The following AGO3 variants were observed in gnomAD, a reference collection of about 807,000 sequenced individuals.
AGO3 encodes protein argonaute-3.
In AGO3, 16 loss-of-function variants were observed where a neutral mutation model predicts 105.5. The ratio of observed to expected loss-of-function variants is 0.15; its 90% CI spans 0.10 to 0.23. The LOEUF (loss-of-function observed/expected upper bound fraction) is 0.23. AGO3 is among the 10% of genes least tolerant of loss of function. The pLI, the probability that AGO3 is intolerant of heterozygous loss-of-function variation, is 1.00. For synonymous variants in AGO3, 340 were observed against 367.3 expected (o/e 0.93, Z 0.85); for missense variants, 534 against 1,088.0 (o/e 0.49, Z 7.16).
At chr1:35,983,761 A>C (rs1206117067) in intron 5 of AGO3, among the ~76,000 whole-genome samples, 4 of 152,210 alleles carry the variant, frequency 2.6e-5, no homozygotes, top group Admixed American at 2.6e-4. Context: ...GTTTTCTGCC[A>C]GGTATGAATG....
Position 35,934,478 on chromosome 1 carries a change from G to T in AGO3, c.19+3033G>T, listed in dbSNP as rs537185775. Among the ~76,000 whole-genome samples, 85 of 152,184 alleles carry T rather than the reference G, an allele frequency of 5.6e-4. 2 individuals are homozygous for T. The South Asian group carries it at 0.016, about 29-fold the overall frequency. On this transcript the variant is annotated intron_variant, in intron 1 of 18. Transcript: ENST00000373191. The stretch of plus-strand genomic sequence containing the variant: ...ATTTAATAATAAAAGTTTTAGAAAA[G>T]TTATTTGGAACCAAGTTCCAAAGGA...
chr1:36,054,971 A>G lies in AGO3; in HGVS notation c.2300A>G (p.His767Arg), dbSNP rs775873000. Residue 767 changes from histidine (H) to arginine (R), a missense_variant, in exon 18 of 19, where the codon CAT becomes CGT. Around this residue, in one of 2 missense-constraint regions of AGO3, gnomAD observed 373 missense variants for 854.0 expected, o/e 0.44. Transcript: ENST00000373191. ...GGTACCAGTCGTCCTTCACACTATC[A>G]TGTTTTATGGGATGATAACTGCTTT... ...IQGTSRPSHYHVLWDDNCFTA... is the reference protein window; with the variant it reads ...IQGTSRPSHYRVLWDDNCFTA... 1 of 1,614,160 alleles carries G rather than the reference A, an allele frequency of 6.2e-7. No homozygotes were observed.
chr1:36,039,776 T>C lies in AGO3; in HGVS notation c.1843-14T>C. 7.3e-7 allele frequency: 1 copy of C among 1,378,852 alleles called. No individual in the cohort carries two copies. The highest frequency in any genetic ancestry group is 9.5e-7 in the Non-Finnish European group (1 of 1,053,936). 85.4% of individuals were successfully genotyped at this position (1,378,852 alleles called of 1,614,324 possible). ...TTATTTATTTATTTATTTATTTTAC[T>C]TTTTCTAACCTAGGTTGTAGGTAGT... On this transcript the variant is annotated splice_polypyrimidine_tract_variant and intron_variant, in intron 14 of 18. Coordinates refer to ENST00000373191, the MANE Select transcript of AGO3 (RefSeq NM_024852.4).
At chr1:36,045,654 T>C (rs1047772736) in intron 17 of AGO3, among the ~76,000 whole-genome samples, 63 of 152,240 alleles carry the variant, frequency 4.1e-4, no homozygotes, top group Non-Finnish European at 5.4e-4. Context: ...GCGATTCTTC[T>C]GCCTCAGCCT....
At chr1:36,026,050 AAAG>A (rs1313039593) in intron 11 of AGO3, among the ~76,000 whole-genome samples, 3 of 151,994 alleles carry the variant, frequency 2.0e-5, no homozygotes, top group Admixed American at 6.6e-5. Flanking sequence ...CAAAAAAAAA[AAAG>A]AAATTGGTTT....
At chr1:35,968,877 C>T (rs1203445096) in intron 3 of AGO3, among the ~76,000 whole-genome samples, 2 of 151,948 alleles carry the variant, frequency 1.3e-5, no homozygotes, top group African/African-American at 4.8e-5. Context: ...ACTCTCACTT[C>T]CATGCCAACA....
chr1:36,043,198 T>G (rs1215453092), intron 16 of AGO3: 2 of 387,754 alleles, frequency 5.2e-6, no homozygotes, highest in Non-Finnish European at 9.1e-6. Flanking sequence ...CATAGTGGGG[T>G]CAACTATCAG....
intron 5 of AGO3, among the ~76,000 whole-genome samples, chr1:35,989,448 T>C (rs930764469): frequency 1.3e-5 from 2 of 152,200 alleles, no homozygotes; most frequent in Admixed American, 6.5e-5. Flanking sequence ...TTTTAAAGAA[T>C]ACATAAAATA....
At chr1:35,982,552 T>C (rs1450808987) in intron 5 of AGO3, 2 of 666,518 alleles carry the variant, frequency 3.0e-6, no homozygotes, top group African/African-American at 3.7e-5. Flanking sequence ...AACTTCTCTC[T>C]ATCCTTTAGA....
intron 2 of AGO3, among the ~76,000 whole-genome samples, chr1:35,948,209 G>A (rs896635091): frequency 6.6e-6 from 1 of 151,008 alleles, no homozygotes; most frequent in Non-Finnish European, 1.5e-5. Context: ...TAAGTAAAAG[G>A]AACAGAATTT....
At chr1:35,963,903 G>C (rs900280534) in intron 2 of AGO3, among the ~76,000 whole-genome samples, 2 of 152,138 alleles carry the variant, frequency 1.3e-5, no homozygotes, top group Non-Finnish European at 2.9e-5. Context: ...GTAGCAAACA[G>C]AAGATAACCA....
At chr1:36,042,418 A>T (rs1486457683) in intron 16 of AGO3, among the ~76,000 whole-genome samples, 1 of 152,186 alleles carries the variant, frequency 6.6e-6, no homozygotes, top group African/African-American at 2.4e-5. Context: ...TAGAAGATTT[A>T]CGTGTTGCTA....
At chr1:36,034,851 T>G (rs1641935002) in intron 13 of AGO3, among the ~76,000 whole-genome samples, 1 of 152,212 alleles carries the variant, frequency 6.6e-6, no homozygotes, top group Admixed American at 6.5e-5. Context: ...CATATCAGCC[T>G]TCCTGCTATA....
intron 5 of AGO3, among the ~76,000 whole-genome samples, chr1:35,979,817 C>CT (rs201663748): frequency 6.0e-5 from 9 of 151,078 alleles, no homozygotes; most frequent in African/African-American, 1.2e-4. Context: ...TATCCTTTAA[C>CT]TTTTTTTTTC....
intron 17 of AGO3, among the ~76,000 whole-genome samples, chr1:36,047,220 GCAACAAGA>G (rs1439262247): frequency 6.6e-6 from 1 of 151,934 alleles, no homozygotes; most frequent in African/African-American, 2.4e-5. Flanking sequence ...TCCGGCCTGG[GCAACAAGA>G]GCGAAACTCT....
chr1:36,015,808 CATT>C (rs1640876112), intron 11 of AGO3, among the ~76,000 whole-genome samples: 2 of 152,168 alleles, frequency 1.3e-5, no homozygotes, highest in South Asian at 4.1e-4. Context: ...TATTTAATCT[CATT>C]ATTCTTCAAT....
chr1:35,961,096 A>G (rs1469768891), intron 2 of AGO3, among the ~76,000 whole-genome samples: 1 of 150,774 alleles, frequency 6.6e-6, no homozygotes, highest in African/African-American at 2.4e-5. Flanking sequence ...GGCACCCGCC[A>G]CCAAGCCCTG....
At chr1:35,970,302 T>C (rs1377766074) in intron 3 of AGO3, among the ~76,000 whole-genome samples, 2 of 152,136 alleles carry the variant, frequency 1.3e-5, no homozygotes, top group African/African-American at 4.8e-5. Context: ...ATCTAACACA[T>C]ATATATAGGA....
Position 36,013,616 on chromosome 1 carries a change from T to G in AGO3, c.1150-14T>G. The G allele has an allele frequency of 1.2e-6, 2 of 1,612,206 alleles. No homozygotes were observed. Among genetic ancestry groups the G allele is most frequent in the Non-Finnish European group, 8.5e-7 (1 of 1,178,830 alleles). ...GGAATTTTGAGAGTAACTACAAACT[T>G]TTTCTATTTTTAGGTAAGAAGTGCA... On this transcript the variant is annotated splice_polypyrimidine_tract_variant and intron_variant, in intron 9 of 18. Coordinates refer to ENST00000373191, the MANE Select transcript of AGO3 (RefSeq NM_024852.4).
Sources: gnomAD v4.1 joint callset for allele counts (sites outside exome capture counted in the v4.1 genomes callset) on GRCh38, gnomAD v4.1.1 for gene constraint, gnomAD v4.1.1 regional missense constraint, MANE v1.5 for transcripts, NCBI Gene and HGNC (gene_info 2026-07-23, HGNC 2026-07-21) for gene names.